ENAH: variants seen among roughly 807,000 people sequenced by gnomAD.
ENAH encodes the protein protein enabled homolog.
A neutral mutation model predicts 78.7 loss-of-function variants in ENAH; 23 were observed. That is an observed-to-expected ratio of 0.29 (90% CI 0.21 to 0.41). The LOEUF is 0.41. Ranked by LOEUF, ENAH falls within the 10% of genes least tolerant of loss-of-function variation. The pLI is 1.00. For synonymous variants in ENAH, 226 were observed against 241.0 expected, an observed-to-expected ratio of 0.94 and a Z score of 0.58; for missense variants, 544 against 691.0, an observed-to-expected ratio of 0.79 and a Z score of 2.39.
At chr1:225,644,667 G>GT (rs928906612) in intron 1 of ENAH, among the ~76,000 whole-genome samples, 1 of 152,114 alleles carries the variant, frequency 6.6e-6, no homozygotes, top group Non-Finnish European at 1.5e-5. Context: ...AGTTGCAAAT[G>GT]TAACAGATAC....
chr1:225,516,305 C>G (rs1407640640), intron 6 of ENAH, among the ~76,000 whole-genome samples: 8 of 152,112 alleles, frequency 5.3e-5, no homozygotes, highest in Non-Finnish European at 1.0e-4. Context: ...CCCTGCCATC[C>G]TCTCTACTCC....
chr1:225,652,753 G>C lies in ENAH; in HGVS notation c.-63C>G. On this transcript the variant is annotated 5_prime_UTR_variant, in exon 1 of 14. Transcript: ENST00000366843. ...GACGCAGAAGGCGCCGAGCCGAGGG[G>C]GGGGTCTCTCCTCCAGGGGTGGGGA... 1 of 1,293,146 alleles carries C rather than the reference G, an allele frequency of 7.7e-7. No individual in the cohort carries two copies. The highest frequency in any genetic ancestry group is 9.8e-7 in the Non-Finnish European group (1 of 1,021,404). 80.1% of individuals were successfully genotyped at this position (1,293,146 alleles called of 1,614,324 possible).
At chr1:225,572,717 G>C (rs1198746716) in intron 1 of ENAH, among the ~76,000 whole-genome samples, 1 of 152,202 alleles carries the variant, frequency 6.6e-6, no homozygotes, top group Non-Finnish European at 1.5e-5. Context: ...AAGTCTTCAA[G>C]ATTCTGAGTC....
intron 1 of ENAH, among the ~76,000 whole-genome samples, chr1:225,636,390 T>C (rs932810034): frequency 6.6e-6 from 1 of 152,218 alleles, no homozygotes; most frequent in African/African-American, 2.4e-5. Context: ...CAAATATATT[T>C]GATGTCTTGT....
At chr1:225,547,567 C>T (rs1440883540) in intron 3 of ENAH, among the ~76,000 whole-genome samples, 1 of 152,166 alleles carries the variant, frequency 6.6e-6, no homozygotes, top group Non-Finnish European at 1.5e-5. Context: ...CAGTAGCTCC[C>T]TTTTCAAACC....
At chr1:225,603,130 A>G (rs2096938743) in intron 1 of ENAH, among the ~76,000 whole-genome samples, 1 of 152,168 alleles carries the variant, frequency 6.6e-6, no homozygotes, top group African/African-American at 2.4e-5. Flanking sequence ...AAGGATTAAA[A>G]GGTACCCACA....
intron 6 of ENAH, 131 bp from the exon 7 acceptor site, chr1:225,515,031 C>A: frequency 1.3e-6 from 1 of 772,282 alleles, no homozygotes; most frequent in South Asian, 1.6e-5. Context: ...TCCAATTTAT[C>A]ATAGTTGTAA....
chr1:225,651,351 AAT>A (rs199884730), intron 1 of ENAH, among the ~76,000 whole-genome samples: 1 of 152,036 alleles, frequency 6.6e-6, no homozygotes, highest in Non-Finnish European at 1.5e-5. Flanking sequence ...GATATATCAC[AAT>A]ATATATATAA....
At position 225,549,397 on chromosome 1, in the gene ENAH, CT is replaced by C. The variant is rs767353487; in HGVS notation, c.349+5508del. 1.1e-4 allele frequency among the ~76,000 whole-genome samples: 17 copies of C among 152,266 alleles called. No individual in the cohort carries two copies. In the South Asian group the frequency reaches 3.3e-3, roughly 30 times the overall value. On this transcript the variant is annotated intron_variant, in intron 3 of 13. Coordinates refer to ENST00000366843, the MANE Select transcript of ENAH (RefSeq NM_018212.6). ...CTCTGTCTCTGGTTAACAGGACCAT[CT>C]TTACCGGGGGCCCAAACTGACACAC...
rs998124148 is a variant in ENAH at position 225,497,637 on chromosome 1, T to C, written c.*138A>G. The C allele has an allele frequency of 3.5e-5, 23 of 662,554 alleles. No homozygotes were observed. The African/African-American group carries it at 4.2e-4, about 12-fold the overall frequency. The allele number at this position is 662,554 out of a possible 1,614,324, so 41.0% of individuals were successfully genotyped here. On this transcript the variant is annotated 3_prime_UTR_variant, in exon 14 of 14. Coordinates refer to ENST00000366843, the MANE Select transcript of ENAH (RefSeq NM_018212.6). The stretch of plus-strand genomic sequence containing the variant: ...AATGTCTGAAGGCTTTCAGAGTAGG[T>C]TGGTTTTTCCCTCCTTCTGTTTGTC...
At chr1:225,605,992 C>A (rs2096953646) in intron 1 of ENAH, among the ~76,000 whole-genome samples, 1 of 152,186 alleles carries the variant, frequency 6.6e-6, no homozygotes, top group Admixed American at 6.5e-5. Context: ...AACACTCTTA[C>A]CTAAAAATAC....
intron 2 of ENAH, among the ~76,000 whole-genome samples, chr1:225,563,395 T>C (rs1351836100): frequency 6.6e-6 from 1 of 152,240 alleles, no homozygotes; most frequent in Non-Finnish European, 1.5e-5. Flanking sequence ...CTTGACACTG[T>C]ACAATCCTGT....
At chr1:225,608,681 T>C (rs2096970542) in intron 1 of ENAH, among the ~76,000 whole-genome samples, 1 of 151,778 alleles carries the variant, frequency 6.6e-6, no homozygotes. Flanking sequence ...CCAGGTGTGA[T>C]GGCAGGCACC....
intron 1 of ENAH, 34 bp downstream of exon 1, chr1:225,652,652 G>C (rs1663255685): frequency 7.9e-7 from 1 of 1,266,894 alleles, no homozygotes; most frequent in Non-Finnish European, 9.9e-7. Context: ...GCGGCACAAT[G>C]GCCCGCCCGG....
intron 3 of ENAH, among the ~76,000 whole-genome samples, chr1:225,545,364 T>G (rs189068473): frequency 6.6e-6 from 1 of 152,174 alleles, no homozygotes; most frequent in African/African-American, 2.4e-5. Context: ...ATCTTGTTCC[T>G]AGGATCCACT....
chr1:225,652,627 G>A, intron 1 of ENAH, 59 bp downstream of exon 1: 1 of 1,259,536 alleles, frequency 7.9e-7, no homozygotes, highest in Non-Finnish European at 1.0e-6. Context: ...GAGGAGAACG[G>A]GGGTCGCGGC....
Position 225,519,424 on chromosome 1 carries a change from C to T in ENAH, c.576G>A (p.Glu192=). The change falls in exon 5 of 14, where the codon GAG becomes GAA. Residue 192 remains glutamate (E), a synonymous_variant. Coordinates refer to ENST00000366843, the MANE Select transcript of ENAH (RefSeq NM_018212.6). ...GCCGTTCCCGTTCTTGTCTCTCTCT[C>T]TCCAGCTGTTCTTGTTCCAGTCGCT... ...ERERLEQEQL[E]RERQERERQE... is the part of the protein sequence containing the mutation. 1.9e-6 allele frequency: 3 copies of T among 1,614,090 alleles called. No individual in the cohort carries two copies. In the South Asian group the frequency reaches 3.3e-5, roughly 18 times the overall value.
rs73124046 is a variant in ENAH at position 225,634,015 on chromosome 1, T to G, written c.5+18671A>C. 9.4e-3 allele frequency among the ~76,000 whole-genome samples: 1,434 copies of G among 152,332 alleles called. 24 individuals are homozygous for G. Among genetic ancestry groups the G allele is most frequent in the African/African-American group, 0.033 (1,368 of 41,574 alleles). On this transcript the variant is annotated intron_variant, in intron 1 of 13. Transcript: ENST00000366843. ...TGCAATAAATTAACAATGAAGTACC[T>G]CAACTTCTTTAAAAGTGTTTTATTT...
intron 1 of ENAH, among the ~76,000 whole-genome samples, chr1:225,642,502 T>C (rs1661257436): frequency 1.3e-5 from 2 of 151,976 alleles, no homozygotes. Flanking sequence ...AACACACGAA[T>C]GAGTCCAGGT....
Sources: allele counts gnomAD v4.1 joint callset (sites outside exome capture counted in the v4.1 genomes callset), GRCh38; gene constraint gnomAD v4.1.1; transcripts MANE v1.5; gene names NCBI Gene and HGNC (gene_info 2026-07-23, HGNC 2026-07-21).